Variants in SVOPL observed in about 807,000 individuals in gnomAD.
The protein encoded by SVOPL is SVOP like, also known as putative transporter SVOPL.
A neutral mutation model predicts 61.0 loss-of-function variants in SVOPL; 60 were observed. The ratio of observed to expected loss-of-function variants is 0.98; its 90% confidence interval spans 0.80 to 1.22. The LOEUF (loss-of-function observed/expected upper bound fraction) is 1.22, where lower values mean the gene tolerates loss of function less well. Ranked by LOEUF, SVOPL falls within the 50% of genes most tolerant of loss-of-function variation. The probability of loss-of-function intolerance (pLI) is 0.00; values close to 1 mark genes in which losing one functional copy is unlikely to be tolerated. For synonymous variants in SVOPL, 279 were observed against 250.0 expected (o/e 1.12, Z -1.09); for missense variants, 662 against 643.9 (o/e 1.03, Z -0.30).
intron 14 of SVOPL, among the ~76,000 whole-genome samples, chr7:138,610,400 TATAC>T (rs1414859392): frequency 2.0e-5 from 3 of 152,146 alleles, no homozygotes; most frequent in South Asian, 2.1e-4. Flanking sequence ...TATGCATATT[TATAC>T]ACACACACAT....
chr7:138,634,385 G>T (rs1800364497), intron 9 of SVOPL, among the ~76,000 whole-genome samples: 1 of 151,986 alleles, frequency 6.6e-6, no homozygotes. Context: ...GCTCACGCCT[G>T]TAATTCCAGC....
rs532716411 is a variant in SVOPL at position 138,597,353 on chromosome 7, C to G, written c.1354-823G>C. On this transcript the variant is annotated intron_variant, in intron 14 of 15. Coordinates refer to ENST00000674285, the MANE Select transcript of SVOPL (RefSeq NM_001139456.2). ...GATGAGCCTAGACTAAGTGACTAGT[C>G]TCAGTAATTACTTGTCCAAAGTCAC... is the stretch of plus-strand genomic sequence containing the variant. The G allele has an allele frequency of 1.5e-4, 87 of 588,072 alleles. No homozygotes were observed. The South Asian group carries it at 1.9e-3, about 13-fold the overall frequency. 36.4% of individuals were successfully genotyped at this position (588,072 alleles called of 1,614,324 possible).
intron 13 of SVOPL, among the ~76,000 whole-genome samples, chr7:138,623,599 C>A (rs1799769225): frequency 6.6e-6 from 1 of 151,470 alleles, no homozygotes. Flanking sequence ...GACTCTGTCT[C>A]AAAACAAAAA....
intron 9 of SVOPL, among the ~76,000 whole-genome samples, chr7:138,643,727 T>C (rs981832064): frequency 6.9e-6 from 1 of 144,850 alleles, no homozygotes; most frequent in East Asian, 2.0e-4. Context: ...AGACAAACAA[T>C]AGGATAGTGG....
At chr7:138,659,775 G>T in intron 6 of SVOPL, 89 bp downstream of exon 6, 1 of 1,268,918 alleles carries the variant, frequency 7.9e-7, no homozygotes, top group East Asian at 2.6e-5. Flanking sequence ...GGTTCACAAT[G>T]CTTTTGGTCT....
intron 1 of SVOPL, among the ~76,000 whole-genome samples, chr7:138,682,991 A>C (rs1802732703): frequency 6.6e-6 from 1 of 151,838 alleles, no homozygotes; most frequent in Non-Finnish European, 1.5e-5. Flanking sequence ...AAGAAAAAAA[A>C]AAGAAAAACA....
intron 14 of SVOPL, among the ~76,000 whole-genome samples, chr7:138,604,677 C>A (rs1360548645): frequency 1.9e-3 from 111 of 58,756 alleles, no homozygotes; most frequent in Middle Eastern, 0.028. Flanking sequence ...AACTTTATCT[C>A]AAAAAAAAAA....
At chr7:138,661,316 A>G in intron 5 of SVOPL, 1 of 985,444 alleles carries the variant, frequency 1.0e-6, no homozygotes, top group Non-Finnish European at 1.2e-6. Context: ...AACATGAGCA[A>G]AATGTGTAGC....
In SVOPL at chr7:138,661,959, C is replaced by T. The variant is rs925119384; in HGVS notation, c.345+1115G>A. Reference sequence around the variant, plus strand: ...CCTTACCCCCACAATTACCAATAGGCTCCTCTTGAACTTGCTGCATGAACC... The same window carrying T: ...CCTTACCCCCACAATTACCAATAGGTTCCTCTTGAACTTGCTGCATGAACC... On this transcript the variant is annotated intron_variant, in intron 5 of 15. Transcript: ENST00000674285. The T allele has an allele frequency of 2.3e-5, 23 of 985,350 alleles. No homozygotes were observed. The Admixed American group carries it at 1.2e-3, about 53-fold the overall frequency. The allele number at this position is 985,350 out of a possible 1,614,324, so 61.0% of individuals were successfully genotyped here.
intron 14 of SVOPL, among the ~76,000 whole-genome samples, chr7:138,615,140 T>G (rs1246268319): frequency 1.3e-5 from 2 of 152,192 alleles, no homozygotes; most frequent in African/African-American, 4.8e-5. Context: ...TGGGTGCTTT[T>G]GTCCCTCCAA....
At chr7:138,663,230 G>T (rs753377126) in intron 4 of SVOPL, 85 bp from the exon 5 acceptor site, 2 of 1,555,964 alleles carry the variant, frequency 1.3e-6, no homozygotes, top group African/African-American at 2.7e-5. Context: ...CTAGAAGTAG[G>T]CTGGAAATAC....
chr7:138,594,545 A>T lies in SVOPL; in HGVS notation c.*65T>A. 1.3e-6 allele frequency: 2 copies of T among 1,514,530 alleles called. No individual in the cohort carries two copies. Among genetic ancestry groups the T allele is most frequent in the Non-Finnish European group, 8.9e-7 (1 of 1,117,604 alleles). The allele number at this position is 1,514,530 out of a possible 1,614,324, so 93.8% of individuals were successfully genotyped here. A position where few individuals can be genotyped will look rare whatever the true frequency, so the allele number is the denominator to read the frequency against. ...CAGAAGTAAAACCAAGTTTTAAAAA[A>T]ATGCACCGCAGTTCTGAAGATAGAA... is the stretch of plus-strand genomic sequence containing the variant. On this transcript the variant is annotated 3_prime_UTR_variant, in exon 16 of 16. Coordinates refer to ENST00000674285, the MANE Select transcript of SVOPL (RefSeq NM_001139456.2).
chr7:138,688,754 T>TA (rs971654492), intron 1 of SVOPL, among the ~76,000 whole-genome samples: 13 of 152,152 alleles, frequency 8.5e-5, no homozygotes, highest in African/African-American at 3.1e-4. Flanking sequence ...AGGGTAAACA[T>TA]AGAGTTACCG....
chr7:138,668,525 G>C (rs1802332882), intron 4 of SVOPL, among the ~76,000 whole-genome samples: 1 of 152,136 alleles, frequency 6.6e-6, no homozygotes, highest in South Asian at 2.1e-4. Flanking sequence ...AATCAGGGCA[G>C]ATTTTTAGAT....
intron 4 of SVOPL, among the ~76,000 whole-genome samples, chr7:138,664,456 G>A (rs1447316001): frequency 4.1e-5 from 6 of 146,560 alleles, no homozygotes; most frequent in African/African-American, 1.3e-4. Flanking sequence ...GCAGGCGGGC[G>A]CCTAACCCTC....
intron 14 of SVOPL, chr7:138,597,129 T>C (rs1408166584): frequency 5.9e-5 from 76 of 1,283,202 alleles, no homozygotes; most frequent in Non-Finnish European, 7.5e-5. Context: ...TTCACGCAGA[T>C]ACTGGTAATT....
In SVOPL at chr7:138,622,294, C is replaced by CTATCTATCTATCTATCTATCTATG. The variant is rs1268661432; in HGVS notation, c.1264-1160_1264-1159insCATAGATAGATAGATAGATAGATA. 1.9e-3 allele frequency among the ~76,000 whole-genome samples: 191 copies of CTATCTATCTATCTATCTATCTATG among 103,032 alleles called. 15 individuals carry two copies. Among genetic ancestry groups the CTATCTATCTATCTATCTATCTATG allele is most frequent in the Middle Eastern group, 4.5e-3 (1 of 224 alleles). 67.6% of individuals were successfully genotyped at this position (103,032 alleles called of 152,430 possible). The stretch of plus-strand genomic sequence containing the variant: ...TGTATCTATCTATCTATCTATCTAT[C>CTATCTATCTATCTATCTATCTATG]TATCTATCTATCTATCTATCGACAG... On this transcript the variant is annotated intron_variant, in intron 13 of 15. Coordinates refer to ENST00000674285, the MANE Select transcript of SVOPL (RefSeq NM_001139456.2).
chr7:138,616,485 C>T (rs1346525945), intron 14 of SVOPL, among the ~76,000 whole-genome samples: 2 of 152,010 alleles, frequency 1.3e-5, no homozygotes, highest in East Asian at 1.9e-4. Flanking sequence ...TACAGGCGCG[C>T]ATCAACAAAC....
chr7:138,614,894 T>G (rs1301485862), intron 14 of SVOPL, among the ~76,000 whole-genome samples: 1 of 152,172 alleles, frequency 6.6e-6, no homozygotes, highest in Non-Finnish European at 1.5e-5. Context: ...TTTCAATGCT[T>G]TTTTTGGATG....
Sources: gnomAD v4.1 joint callset for allele counts (sites outside exome capture counted in the v4.1 genomes callset) on GRCh38, gnomAD v4.1.1 for gene constraint, MANE v1.5 for transcripts, NCBI Gene and HGNC (gene_info 2026-07-23, HGNC 2026-07-21) for gene names.